Variants in SETD1B observed in about 807,000 individuals in gnomAD.
SETD1B encodes the protein SET domain containing 1B, histone lysine methyltransferase.
A neutral mutation model predicts 148.0 loss-of-function variants in SETD1B; 7 were observed. The ratio of observed to expected loss-of-function variants is 0.05; its 90% CI spans 0.03 to 0.09. SETD1B has a LOEUF of 0.09. Among genes scored for constraint, SETD1B ranks in the 10% least tolerant of loss-of-function variants. The pLI is 1.00. For missense variants in SETD1B, 2,155 were observed against 2,729.9 expected, an observed-to-expected ratio of 0.79 and a Z score of 4.69; for synonymous variants, 1,361 against 1,186.5, an observed-to-expected ratio of 1.15 and a Z score of -3.02.
chr12:121,828,204 T>C (rs548971171), intron 16 of SETD1B, 134 bp downstream of exon 16: 94 of 1,183,904 alleles, frequency 7.9e-5, no homozygotes, highest in Non-Finnish European at 1.0e-4. Flanking sequence ...CCAAGGGTTA[T>C]AGGGAGAGGA....
chr12:121,794,204 A>G, the SETD1B span: 1 of 152,876 alleles, frequency 6.5e-6, no homozygotes, highest in South Asian at 2.0e-4. Context: ...ACCAGGGAAG[A>G]TGCTGACGCG....
rs1184797304 is a variant in SETD1B at position 121,817,545 on chromosome 12, A to G, written c.3153A>G (p.Ser1051=). 2 of 1,551,404 alleles carry G rather than the reference A, an allele frequency of 1.3e-6. No individual in the cohort carries two copies. Among genetic ancestry groups the G allele is most frequent in the Non-Finnish European group, 1.7e-6 (2 of 1,146,890 alleles). The part of the protein sequence containing the change: ...LSASSSSSAS[S]SSGSSTTSPS... ...CGTCCTCGTCCTCATCCGCGTCATC[A>G]TCCTCGGGGTCCTCAACCACCTCAC... is the stretch of plus-strand genomic sequence containing the variant. The change falls in exon 9 of 17, where the codon TCA becomes TCG. Residue 1051 remains serine, a synonymous_variant. Coordinates refer to ENST00000604567, the MANE Select transcript of SETD1B (RefSeq NM_001353345.2). This position sits in a 1 kb window ranked among gnomAD's most constrained non-coding sequence, Gnocchi z 8.1.
At position 121,831,629 on chromosome 12, in the gene SETD1B, AG is replaced by A. The variant is rs934934163; in HGVS notation, c.*1392del. On this transcript the variant is annotated 3_prime_UTR_variant, in exon 17 of 17. Transcript: ENST00000604567. ...CATTTCTTTGTACTTCCAAAAAAAA[AG>A]GAAAAAAAAGACAAAAGCAAGTCCC... is the stretch of plus-strand genomic sequence containing the variant. The A allele has an allele frequency of 3.3e-5, 5 of 151,942 alleles. No homozygotes were observed. Among genetic ancestry groups the A allele is most frequent in the African/African-American group, 9.7e-5 (4 of 41,406 alleles). The allele number at this position is 151,942 out of a possible 1,614,324, so 9.4% of individuals were successfully genotyped here.
chr12:121,805,316 C>A lies in SETD1B; in HGVS notation c.273+100C>A. 2 of 1,020,842 alleles carry A rather than the reference C, an allele frequency of 2.0e-6. No individual in the cohort carries two copies. The highest frequency in any genetic ancestry group is 2.9e-6 in the Non-Finnish European group (2 of 685,028). The allele number at this position is 1,020,842 out of a possible 1,614,324, so 63.2% of individuals were successfully genotyped here. A position where few individuals can be genotyped will look rare whatever the true frequency, so the allele number is the denominator to read the frequency against. On this transcript the variant is annotated intron_variant, in intron 3 of 16. Transcript: ENST00000604567. The surrounding 1 kb of genome is among the most constrained non-coding windows in gnomAD (Gnocchi z 4.2). ...AGCCCAGCCGGATTCCCAGTTCCCG[C>A]CGTCCGGGGCCAGGGAAGTTTTGGC...
the SETD1B span, chr12:121,797,126 G>C: frequency 4.3e-5 from 12 of 277,038 alleles, no homozygotes; most frequent in South Asian, 3.5e-4. Flanking sequence ...AGATGCACTG[G>C]GCCAGACGAC....
intron 15 of SETD1B, 33 bp downstream of exon 15, chr12:121,827,887 T>G (rs1324699037): frequency 2.6e-6 from 4 of 1,552,652 alleles, no homozygotes; most frequent in Non-Finnish European, 3.5e-6. Flanking sequence ...GGCACCGGGG[T>G]GGGCATGGGG....
Position 121,814,366 on chromosome 12 carries a change from T to A in SETD1B, c.2151T>A (p.Pro717=). 5.9e-6 allele frequency: 2 copies of A among 339,362 alleles called. No individual in the cohort carries two copies. The highest frequency in any genetic ancestry group is 4.9e-6 in the Non-Finnish European group (1 of 202,728). The allele number at this position is 339,362 out of a possible 1,614,324, so 21.0% of individuals were successfully genotyped here. Residue 717 remains proline, a synonymous_variant, in exon 7 of 17, where the codon CCT becomes CCA. Transcript: ENST00000604567. The part of the protein sequence containing the change: ...PPLPPPPPPP[P]PAHPAVTVPP... ...TGCCCCCACCGCCGCCCCCACCCCC[T>A]CCAGCCCACCCTGCTGTGACAGTGC...
rs1286499702 is a variant in SETD1B at position 121,822,618 on chromosome 12, C to A, written c.4039C>A (p.His1347Asn). 1 of 1,551,312 alleles carries A rather than the reference C, an allele frequency of 6.4e-7. No homozygotes were observed. Among genetic ancestry groups the A allele is most frequent in the Non-Finnish European group, 8.7e-7 (1 of 1,146,836 alleles). Residue 1347 changes from histidine to asparagine, a missense_variant, in exon 12 of 17, where the codon CAC (histidine) becomes AAC (asparagine). Physicochemically the swap from His to Asn is moderately conservative, Grantham distance 68. Transcript: ENST00000604567. ...GGAGCCTGAGACCACAGATGCCTCACACCCATCTGTCCCTCCGGAGCCCCT... is the reference window on the plus strand; with the variant it reads ...GGAGCCTGAGACCACAGATGCCTCAAACCCATCTGTCCCTCCGGAGCCCCT... ...PPEPETTDAS[H>N]PSVPPEPLAE...
At chr12:121,792,462 G>A in the SETD1B span, among the ~76,000 whole-genome samples, 2 of 152,260 alleles carry the variant, frequency 1.3e-5, no homozygotes, top group Non-Finnish European at 2.9e-5. Flanking sequence ...GGGCCTGCAG[G>A]TGGCAGGCAG....
the SETD1B span, among the ~76,000 whole-genome samples, chr12:121,798,932 C>T: frequency 6.6e-6 from 1 of 152,220 alleles, no homozygotes; most frequent in African/African-American, 2.4e-5. Context: ...AAGCGTGGAA[C>T]GTGGCACTTC....
intron 11 of SETD1B, among the ~76,000 whole-genome samples, chr12:121,821,031 G>C (rs1456859124): frequency 2.0e-5 from 3 of 152,220 alleles, no homozygotes; most frequent in Non-Finnish European, 4.4e-5. Context: ...CTTTGAGTAT[G>C]TGCAGATTTA....
intron 16 of SETD1B, among the ~76,000 whole-genome samples, chr12:121,828,794 A>G (rs1044113709): frequency 3.9e-5 from 6 of 152,380 alleles, no homozygotes; most frequent in Non-Finnish European, 8.8e-5. Flanking sequence ...AACAGAGACA[A>G]TAACAGTCTC....
rs1192029928 is a variant in SETD1B, at chr12:121,817,550, C to T, written c.3158C>T (p.Ser1053Leu). The T allele has an allele frequency of 7.7e-6, 12 of 1,551,376 alleles. No homozygotes were observed. The highest frequency in any genetic ancestry group is 1.4e-5 in the African/African-American group (1 of 73,038). ...ASSSSSASSS[S>L]GSSTTSPSSS... ...TCGTCCTCATCCGCGTCATCATCCT[C>T]GGGGTCCTCAACCACCTCACCCTCG... The change falls in exon 9 of 17, where the codon TCG (serine) becomes TTG (leucine). Residue 1053 changes from serine to leucine, a missense_variant. Ser to Leu is a moderately radical substitution (Grantham distance 145, BLOSUM62 -2). Coordinates refer to ENST00000604567, the MANE Select transcript of SETD1B (RefSeq NM_001353345.2). The surrounding 1 kb of genome is among the most constrained non-coding windows in gnomAD (Gnocchi z 8.1).
chr12:121,818,042 G>C (rs1444184558), intron 10 of SETD1B, 138 bp downstream of exon 10: 7 of 835,054 alleles, frequency 8.4e-6, no homozygotes, highest in Middle Eastern at 3.2e-4. Context: ...CACACACACA[G>C]GGTGGCGTAC....
Position 121,823,337 on chromosome 12 carries a change from T to TGCCCCC in SETD1B, c.4758_4759insGCCCCC (p.Leu1586_Pro1587insAlaPro). 6 of 809,480 alleles carry TGCCCCC rather than the reference T, an allele frequency of 7.4e-6. No individual in the cohort carries two copies. Among genetic ancestry groups the TGCCCCC allele is most frequent in the Non-Finnish European group, 1.1e-5 (6 of 560,554 alleles). The allele number at this position is 809,480 out of a possible 1,614,324, so 50.1% of individuals were successfully genotyped here. On this transcript the variant is annotated inframe_insertion, in exon 12 of 17. Coordinates refer to ENST00000604567, the MANE Select transcript of SETD1B (RefSeq NM_001353345.2). ...GGATCCCAGCCCCTCCACCACCCCT[T>TGCCCCC]CCCCCCCAGCCACCCCCACCCCCAC...
chr12:121,828,028 C>T lies in SETD1B; in HGVS notation c.5685C>T (p.Thr1895=), dbSNP rs530023629. ...ACCATGACACCATCATCGACGCCACCAAGTGCGGCAACTTCGCGCGCTTCA... is the reference window on the plus strand; with the variant it reads ...ACCATGACACCATCATCGACGCCACTAAGTGCGGCAACTTCGCGCGCTTCA... ...RVDHDTIIDA[T]KCGNFARFIN... is the part of the protein sequence containing the mutation. The change falls in exon 16 of 17, where the codon ACC becomes ACT. Residue 1895 remains threonine, a synonymous_variant. Transcript: ENST00000604567. The T allele has an allele frequency of 1.9e-6, 3 of 1,552,302 alleles. No homozygotes were observed. Among genetic ancestry groups the T allele is most frequent in the East Asian group, 2.4e-5 (1 of 40,942 alleles).
the SETD1B span, among the ~76,000 whole-genome samples, chr12:121,790,313 G>A: frequency 6.6e-6 from 1 of 152,272 alleles, no homozygotes; most frequent in Non-Finnish European, 1.5e-5. Flanking sequence ...GCCACTGTGT[G>A]TGGCCCATTG....
At chr12:121,799,041 A>C (rs1187460186), upstream of SETD1B, 1 of 152,250 alleles carries the variant, frequency 6.6e-6, no homozygotes, top group Non-Finnish European at 1.5e-5. Flanking sequence ...AACTTGTTAG[A>C]AATGCCAGTC....
At chr12:121,821,205 A>G (rs1367066129) in intron 11 of SETD1B, among the ~76,000 whole-genome samples, 1 of 152,212 alleles carries the variant, frequency 6.6e-6, no homozygotes. Flanking sequence ...TATTTTAGGC[A>G]GTAGCAATGC....
Sources: gnomAD v4.1 joint callset for allele counts (sites outside exome capture counted in the v4.1 genomes callset) on GRCh38, gnomAD v4.1.1 for gene constraint, Gnocchi (gnomAD v3.1) non-coding constraint, MANE v1.5 for transcripts, NCBI Gene and HGNC (gene_info 2026-07-23, HGNC 2026-07-21) for gene names.